CTNS: variants seen among roughly 807,000 people sequenced by gnomAD.
CTNS encodes the protein cystinosin, lysosomal cystine transporter, also known as cystinosin.
In CTNS, 27 loss-of-function variants were observed where a neutral mutation model predicts 43.7. That is an observed-to-expected ratio of 0.62 (90% CI 0.46 to 0.85). The LOEUF is 0.85. Ranked by LOEUF, CTNS falls within the 40% of genes least tolerant of loss-of-function variation. CTNS has a pLI of 0.00. For synonymous variants in CTNS, 187 were observed against 190.6 expected (o/e 0.98, Z 0.16); for missense variants, 457 against 475.4 (o/e 0.96, Z 0.36).
chr17:3,637,908 C>T (rs1279329658), intron 2 of CTNS, among the ~76,000 whole-genome samples: 1 of 152,192 alleles, frequency 6.6e-6, no homozygotes, highest in Admixed American at 6.5e-5. Flanking sequence ...CTCCAGTGCA[C>T]ACAGCCCTTG....
intron 3 of CTNS, among the ~76,000 whole-genome samples, chr17:3,645,959 T>G (rs1396676576): frequency 7.6e-5 from 7 of 92,378 alleles, no homozygotes; most frequent in African/African-American, 1.2e-4. Flanking sequence ...AGGGTCTGGG[T>G]GGGGGGAACT....
chr17:3,646,766 C>G (rs2075852661), intron 3 of CTNS, among the ~76,000 whole-genome samples: 1 of 131,298 alleles, frequency 7.6e-6, no homozygotes, highest in South Asian at 2.9e-4. Context: ...CCCTAAGACC[C>G]AGATCTGCTT....
At chr17:3,654,869 A>G (rs1422952238) in intron 5 of CTNS, 129 bp from the exon 6 acceptor site, 18 of 781,896 alleles carry the variant, frequency 2.3e-5, no homozygotes, top group Non-Finnish European at 4.0e-5. Context: ...TTTGCTTAGT[A>G]AGCTCTTGGA....
Position 3,656,543 on chromosome 17 carries a change from A to C in CTNS, c.518A>C (p.Tyr173Ser). ...VALNLTGFVA[Y>S]SVFNIGLLWV... The stretch of plus-strand genomic sequence containing the variant: ...CTGAACCTGACGGGCTTCGTGGCCT[A>C]CAGTGTATTCAACATCGGCCTCCTC... Residue 173 changes from tyrosine (Y) to serine (S), a missense_variant, in exon 8 of 12, where the codon TAC becomes TCC. Transcript: ENST00000046640. The C allele has an allele frequency of 6.2e-7, 1 of 1,607,648 alleles. No individual in the cohort carries two copies. Among genetic ancestry groups the C allele is most frequent in the South Asian group, 1.1e-5 (1 of 90,660 alleles).
chr17:3,650,297 C>G, intron 5 of CTNS: 1 of 1,549,878 alleles, frequency 6.5e-7, no homozygotes, highest in Non-Finnish European at 8.7e-7. Context: ...CGATCAGTCT[C>G]CAGCATGTGG....
At chr17:3,660,213 T>C (rs750120125) in intron 11 of CTNS, 23 bp from the exon 12 acceptor site, 27 of 1,613,886 alleles carry the variant, frequency 1.7e-5, no homozygotes, top group Non-Finnish European at 2.2e-5. Context: ...TAACACCAGC[T>C]TCTGTCCCCC....
chr17:3,638,935 G>A (rs1224312501), intron 2 of CTNS, among the ~76,000 whole-genome samples: 1 of 152,176 alleles, frequency 6.6e-6, no homozygotes, highest in Non-Finnish European at 1.5e-5. Flanking sequence ...CGGCCGGTGA[G>A]AAGGGTCTCA....
chr17:3,639,500 T>G (rs1422282042), intron 2 of CTNS, among the ~76,000 whole-genome samples: 1 of 151,922 alleles, frequency 6.6e-6, no homozygotes, highest in African/African-American at 2.4e-5. Context: ...AAACCCCATC[T>G]CTACTAAAAA....
chr17:3,654,998 G>GT lies in CTNS; in HGVS notation c.228dup (p.Val77CysfsTer48). On this transcript the variant is annotated frameshift_variant and splice_region_variant, in exon 6 of 12. Transcript: ENST00000046640. LOFTEE classifies it high-confidence loss of function. ...GATTGAACCTCAGTCTTCCTAACAG[G>GT]TTGTGGTGCCTCCTGGAGTGACAAA... The GT allele has an allele frequency of 6.2e-7, 1 of 1,611,740 alleles. No homozygotes were observed. The highest frequency in any genetic ancestry group is 8.5e-7 in the Non-Finnish European group (1 of 1,177,748).
chr17:3,654,199 T>G (rs2076063123), intron 5 of CTNS, among the ~76,000 whole-genome samples: 1 of 152,182 alleles, frequency 6.6e-6, no homozygotes, highest in Admixed American at 6.5e-5. Context: ...ATCCTGTCAT[T>G]CATGGCAGCC....
In CTNS at chr17:3,640,228, AT is replaced by A. The variant is rs2150888913; in HGVS notation, c.27del (p.Phe9LeufsTer6). 1.9e-6 allele frequency: 3 copies of A among 1,614,106 alleles called. No individual in the cohort carries two copies. Among genetic ancestry groups the A allele is most frequent in the Non-Finnish European group, 2.5e-6 (3 of 1,179,938 alleles). MIRNWLT[I>X]FILFPLKLVE... The stretch of plus-strand genomic sequence containing the variant: ...AAACATGATAAGGAATTGGCTGACT[AT>A]TTTTATCCTTTTTCCCCTGAAGCTC... On this transcript the variant is annotated frameshift_variant, in exon 3 of 12. Coordinates refer to ENST00000046640, the MANE Select transcript of CTNS (RefSeq NM_004937.3). LOFTEE classifies it high-confidence loss of function.
At chr17:3,638,815 C>T (rs1416584125) in intron 2 of CTNS, among the ~76,000 whole-genome samples, 1 of 152,178 alleles carries the variant, frequency 6.6e-6, no homozygotes, top group Non-Finnish European at 1.5e-5. Flanking sequence ...TGTGGTCATT[C>T]CATACACGCA....
intron 5 of CTNS, chr17:3,650,104 T>C: frequency 6.6e-7 from 1 of 1,520,194 alleles, no homozygotes; most frequent in Non-Finnish European, 8.9e-7. Flanking sequence ...AATGTATGCA[T>C]ACATCAAAGC....
At chr17:3,638,791 G>T (rs781085988) in intron 2 of CTNS, among the ~76,000 whole-genome samples, 17 of 152,224 alleles carry the variant, frequency 1.1e-4, no homozygotes, top group Non-Finnish European at 2.5e-4. Context: ...GGCAGCAAGA[G>T]TGAGAGGGAG....
chr17:3,653,137 C>T (rs1173847365), intron 5 of CTNS, among the ~76,000 whole-genome samples: 5 of 152,202 alleles, frequency 3.3e-5, no homozygotes, highest in African/African-American at 4.8e-5. Context: ...GAAGGCCGGG[C>T]ATGGTGGCTC....
intron 1 of CTNS, 53 bp from the exon 2 acceptor site, chr17:3,637,054 G>A (rs1294264281): frequency 6.6e-6 from 1 of 152,360 alleles, no homozygotes. Flanking sequence ...GCCGTTCCCA[G>A]CCCCTTACCT....
At chr17:3,648,301 C>T (rs2075893401) in intron 4 of CTNS, among the ~76,000 whole-genome samples, 1 of 152,224 alleles carries the variant, frequency 6.6e-6, no homozygotes, top group Non-Finnish European at 1.5e-5. Flanking sequence ...TCTCTTACCA[C>T]AACTGTCCAG....
intron 2 of CTNS, among the ~76,000 whole-genome samples, chr17:3,638,489 C>T (rs1043833171): frequency 6.7e-6 from 1 of 150,018 alleles, no homozygotes; most frequent in Admixed American, 6.6e-5. Flanking sequence ...CCAACTGCCT[C>T]GGCCTCCCAA....
At chr17:3,650,795 T>A (rs2150910217) in intron 5 of CTNS, among the ~76,000 whole-genome samples, 1 of 152,326 alleles carries the variant, frequency 6.6e-6, no homozygotes, top group African/African-American at 2.4e-5. Flanking sequence ...TGTATTCATT[T>A]ATTTTTTATT....
Sources: gnomAD v4.1 joint callset for allele counts (sites outside exome capture counted in the v4.1 genomes callset) on GRCh38, gnomAD v4.1.1 for gene constraint, MANE v1.5 for transcripts, NCBI Gene and HGNC (gene_info 2026-07-23, HGNC 2026-07-21) for gene names.